Variants in STAG1 observed in about 807,000 individuals in gnomAD.
STAG1 encodes the protein STAG1 cohesin complex component.
Under a neutral mutation model 170.9 loss-of-function variants are expected in STAG1, and 26 were observed. The ratio of observed to expected loss-of-function variants is 0.15; its 90% CI spans 0.11 to 0.21. STAG1 has a LOEUF of 0.21. Ranked by LOEUF, STAG1 falls within the 10% of genes least tolerant of loss-of-function variation. The pLI is 1.00. For synonymous variants in STAG1, 514 were observed against 497.7 expected (o/e 1.03, Z -0.44); for missense variants, 964 against 1,509.5 (o/e 0.64, Z 5.99).
chr3:136,577,780 T>G (rs1052890444), intron 4 of STAG1, among the ~76,000 whole-genome samples: 5 of 152,222 alleles, frequency 3.3e-5, no homozygotes, highest in Admixed American at 1.3e-4. Flanking sequence ...TGTATGATAG[T>G]AGATTCTAAA....
At chr3:136,494,150 C>T (rs1176721438) in intron 9 of STAG1, among the ~76,000 whole-genome samples, 2 of 151,832 alleles carry the variant, frequency 1.3e-5, no homozygotes, top group African/African-American at 4.8e-5. Context: ...AGCTTGCCTG[C>T]AGTCCTAGCT....
intron 14 of STAG1, among the ~76,000 whole-genome samples, chr3:136,447,218 C>T (rs1282389605): frequency 6.6e-6 from 1 of 151,982 alleles, no homozygotes; most frequent in African/African-American, 2.4e-5. Context: ...GGCGTGGTGG[C>T]TCACGCCTGT....
intron 30 of STAG1, among the ~76,000 whole-genome samples, chr3:136,343,215 A>AT (rs1936056094): frequency 1.3e-5 from 2 of 152,182 alleles, no homozygotes; most frequent in Non-Finnish European, 2.9e-5. Context: ...CAACAATAAG[A>AT]TTTTTATAAG....
At chr3:136,642,113 C>T (rs907754943) in intron 1 of STAG1, among the ~76,000 whole-genome samples, 2 of 152,084 alleles carry the variant, frequency 1.3e-5, no homozygotes, top group East Asian at 3.8e-4. Context: ...GTAAGTTCCC[C>T]CTCCCTACTC....
At chr3:136,424,835 A>C (rs906744244) in intron 16 of STAG1, among the ~76,000 whole-genome samples, 6 of 152,060 alleles carry the variant, frequency 3.9e-5, no homozygotes, top group African/African-American at 1.2e-4. Flanking sequence ...TGAGATATGC[A>C]TAAGATTATT....
chr3:136,638,991 A>AC (rs560283373), intron 1 of STAG1, among the ~76,000 whole-genome samples: 228 of 152,204 alleles, frequency 1.5e-3, no homozygotes, highest in Non-Finnish European at 2.7e-3. Flanking sequence ...AAAACAGCTA[A>AC]CAAGTAAAAA....
chr3:136,378,594 TGGGATCAA>T lies in STAG1; in HGVS notation c.2278-850_2278-843del, dbSNP rs869221706. 1.7e-4 allele frequency among the ~76,000 whole-genome samples: 26 copies of T among 152,228 alleles called. 1 individual carries two copies. The highest frequency in any genetic ancestry group is 6.3e-4 in the African/African-American group (26 of 41,526). ...GAGGCAGGAAGATCACTTGAGCCCATGGGATCAAGGCTGAAGTGAGACATAATTGTGCC... is the reference window on the plus strand; with the variant it reads ...GAGGCAGGAAGATCACTTGAGCCCATGGCTGAAGTGAGACATAATTGTGCC... On this transcript the variant is annotated intron_variant, in intron 22 of 33. Transcript: ENST00000383202.
Position 136,463,770 on chromosome 3 carries a change from TACACACACAC to T in STAG1, c.1313+1101_1313+1110del, listed in dbSNP as rs375928916. On this transcript the variant is annotated intron_variant, in intron 13 of 33. Transcript: ENST00000383202. ...GTGTGTGTGTGTGTGTGTGTGTGTA[TACACACACAC>T]ACACACACACATATACATATACATA... Among the ~76,000 whole-genome samples, 11 of 126,398 alleles carry T rather than the reference TACACACACAC, an allele frequency of 8.7e-5. No homozygotes were observed. In the South Asian group the frequency reaches 2.9e-3, roughly 33 times the overall value. 82.9% of individuals were successfully genotyped at this position (126,398 alleles called of 152,430 possible).
intron 1 of STAG1, among the ~76,000 whole-genome samples, chr3:136,651,090 C>T (rs1941202161): frequency 6.6e-6 from 1 of 152,032 alleles, no homozygotes; most frequent in Non-Finnish European, 1.5e-5. Flanking sequence ...ATGTGCTGGG[C>T]ACTGTGGCTC....
intron 1 of STAG1, among the ~76,000 whole-genome samples, chr3:136,702,121 GACAGAGAGACAGAGAGAC>G (rs1559960319): frequency 4.5e-5 from 3 of 66,666 alleles, no homozygotes; most frequent in South Asian, 4.9e-4. Flanking sequence ...GAGAGAGAGA[GACAGAGAGACAGAGAGAC>G]AGAGAGACAG....
intron 3 of STAG1, among the ~76,000 whole-genome samples, chr3:136,617,282 C>T (rs2107824166): frequency 6.6e-6 from 1 of 152,272 alleles, no homozygotes; most frequent in South Asian, 2.1e-4. Flanking sequence ...GAGGCCCTTC[C>T]TCAAGCTCTG....
At chr3:136,558,677 A>T (rs1009060866) in intron 5 of STAG1, among the ~76,000 whole-genome samples, 2 of 152,234 alleles carry the variant, frequency 1.3e-5, no homozygotes, top group African/African-American at 4.8e-5. Context: ...CACCTGACTA[A>T]AGCATGAAAA....
At chr3:136,740,157 A>C (rs2107950020) in intron 1 of STAG1, among the ~76,000 whole-genome samples, 1 of 152,262 alleles carries the variant, frequency 6.6e-6, no homozygotes, top group African/African-American at 2.4e-5. Context: ...AGGCTGAGGC[A>C]CAAGAATCGC....
chr3:136,588,494 C>T (rs1012434619), intron 4 of STAG1, among the ~76,000 whole-genome samples: 1 of 152,036 alleles, frequency 6.6e-6, no homozygotes, highest in African/African-American at 2.4e-5. Flanking sequence ...ATGCATGCCA[C>T]CATGCTGGCT....
intron 21 of STAG1, among the ~76,000 whole-genome samples, chr3:136,408,296 T>C (rs901996542): frequency 2.6e-5 from 4 of 152,192 alleles, no homozygotes; most frequent in African/African-American, 9.7e-5. Context: ...AATCTACACA[T>C]ACAACAGTAT....
chr3:136,403,347 G>T (rs1337343469), intron 21 of STAG1, among the ~76,000 whole-genome samples: 1 of 148,570 alleles, frequency 6.7e-6, no homozygotes, highest in Non-Finnish European at 1.5e-5. Flanking sequence ...AAATTAATGA[G>T]ATGATGTCAG....
intron 4 of STAG1, among the ~76,000 whole-genome samples, chr3:136,575,777 TG>T (rs1385317868): frequency 5.3e-5 from 8 of 151,286 alleles, no homozygotes; most frequent in African/African-American, 1.9e-4. Context: ...GGGAAATTTT[TG>T]TAAGTCATGT....
Position 136,604,330 on chromosome 3 carries a change from T to C in STAG1, c.276A>G (p.Lys92=), listed in dbSNP as rs1212749600. 6.2e-7 allele frequency: 1 copy of C among 1,609,268 alleles called. No homozygotes were observed. Among genetic ancestry groups the C allele is most frequent in the South Asian group, 1.1e-5 (1 of 89,696 alleles). ...TTACCTGCATTGCACTTTTCCCCAG[T>C]TTCACCACCTCAAATAATGTGACAG... ...GEPVTLFEVV[K]LGKSAMQSVV... Residue 92 remains lysine, a synonymous_variant, in exon 4 of 34, where the codon AAA becomes AAG. Coordinates refer to ENST00000383202, the MANE Select transcript of STAG1 (RefSeq NM_005862.3).
intron 3 of STAG1, among the ~76,000 whole-genome samples, chr3:136,614,089 G>A (rs1053945917): frequency 3.9e-5 from 6 of 152,236 alleles, no homozygotes; most frequent in Middle Eastern, 3.4e-3. Context: ...GGTGGTACGC[G>A]CCTGTAGTCC....
Sources: gnomAD v4.1 joint callset for allele counts (sites outside exome capture counted in the v4.1 genomes callset) on GRCh38, gnomAD v4.1.1 for gene constraint, MANE v1.5 for transcripts, NCBI Gene and HGNC (gene_info 2026-07-23, HGNC 2026-07-21) for gene names.